Variants in MSRA observed in about 807,000 individuals in gnomAD.
MSRA encodes the protein methionine sulfoxide reductase A, also known as mitochondrial peptide methionine sulfoxide reductase.
MSRA carries 54 observed loss-of-function variants against 31.3 expected under a neutral mutation model. The observed-to-expected ratio is 1.73, with a 90% confidence interval of 1.39 to 2.17. The LOEUF is 2.17. Ranked by LOEUF, MSRA falls within the 30% of genes most tolerant of loss-of-function variation. The pLI is 0.00. For missense variants in MSRA, 507 were observed against 300.9 expected (o/e 1.69, Z -5.07); for synonymous variants, 169 against 116.5 (o/e 1.45, Z -2.90).
At chr8:10,308,748 T>C (rs1801276306) in intron 4 of MSRA, among the ~76,000 whole-genome samples, 3 of 152,226 alleles carry the variant, frequency 2.0e-5, no homozygotes, top group African/African-American at 7.2e-5. Flanking sequence ...ACTTGAGCTC[T>C]TTCTTGCCTC....
At chr8:10,166,601 A>G (rs1239462247) in intron 1 of MSRA, among the ~76,000 whole-genome samples, 1 of 152,130 alleles carries the variant, frequency 6.6e-6, no homozygotes, top group Admixed American at 6.5e-5. Context: ...GAATTATATA[A>G]CAAGCGACTT....
At chr8:10,119,832 T>G (rs1297735293) in intron 1 of MSRA, among the ~76,000 whole-genome samples, 3 of 152,078 alleles carry the variant, frequency 2.0e-5, no homozygotes, top group Admixed American at 2.0e-4. Flanking sequence ...GAAATGTACC[T>G]AAGAGGGATA....
At chr8:10,322,825 C>G (rs1414656297) in intron 5 of MSRA, among the ~76,000 whole-genome samples, 3 of 152,166 alleles carry the variant, frequency 2.0e-5, no homozygotes, top group African/African-American at 7.2e-5. Context: ...GGCACAGTGA[C>G]TCACGCCTCT....
intron 1 of MSRA, among the ~76,000 whole-genome samples, chr8:10,128,678 G>C (rs1801672545): frequency 6.6e-6 from 1 of 152,196 alleles, no homozygotes; most frequent in South Asian, 2.1e-4. Flanking sequence ...CCAGATGTAG[G>C]TGAGTCTCCA....
chr8:10,214,225 C>T (rs1251652365), intron 2 of MSRA, among the ~76,000 whole-genome samples: 2 of 152,080 alleles, frequency 1.3e-5, no homozygotes, highest in African/African-American at 2.4e-5. Context: ...TTTTGAACAG[C>T]TGTGTGAATG....
At chr8:10,354,744 G>GTATATATA (rs1804404997) in intron 5 of MSRA, among the ~76,000 whole-genome samples, 2 of 130,690 alleles carry the variant, frequency 1.5e-5, no homozygotes, top group African/African-American at 5.9e-5. Flanking sequence ...ATGTGTGTGT[G>GTATATATA]TGTGTGTATA....
intron 3 of MSRA, among the ~76,000 whole-genome samples, chr8:10,261,389 TA>T (rs35866533): frequency 0.027 from 3,889 of 143,000 alleles, 158 homozygotes; most frequent in African/African-American, 0.088. Context: ...ATCTGTTACT[TA>T]AAAAAAAAAA....
rs1351244697 is a variant in MSRA at position 10,146,724 on chromosome 8, T to C, written c.143-61109T>C. Among the ~76,000 whole-genome samples, 4 of 152,146 alleles carry C rather than the reference T, an allele frequency of 2.6e-5. No individual in the cohort carries two copies. The East Asian group carries it at 7.7e-4, about 29-fold the overall frequency. ...AAGGTGTTATTTTAAAAAAAAATAC[T>C]GCTGCATACTGATGAAATCACACTT... On this transcript the variant is annotated intron_variant, in intron 1 of 5. Transcript: ENST00000317173.
chr8:10,323,796 G>T (rs1802200915), intron 5 of MSRA, among the ~76,000 whole-genome samples: 1 of 141,768 alleles, frequency 7.1e-6, no homozygotes, highest in Admixed American at 7.3e-5. Flanking sequence ...CTGTCTGCAT[G>T]TCTGCATGTC....
intron 5 of MSRA, among the ~76,000 whole-genome samples, chr8:10,370,921 C>T (rs918266242): frequency 3.9e-5 from 6 of 152,176 alleles, no homozygotes; most frequent in Non-Finnish European, 7.3e-5. Flanking sequence ...TGTTCTGGGA[C>T]GTGCTGTCAC....
chr8:10,344,626 G>T lies in MSRA; in HGVS notation c.543+24637G>T, dbSNP rs945248634. ...AAAGCCAGCCATTTCCAATGGCCTTGACATAAGGATTATGTTGCATTAAGT... is the reference window on the plus strand; with the variant it reads ...AAAGCCAGCCATTTCCAATGGCCTTTACATAAGGATTATGTTGCATTAAGT... On this transcript the variant is annotated intron_variant, in intron 5 of 5. Transcript: ENST00000317173. Among the ~76,000 whole-genome samples, 62 of 141,962 alleles carry T rather than the reference G, an allele frequency of 4.4e-4. 1 individual carries two copies. Among genetic ancestry groups the T allele is most frequent in the Admixed American group, 8.4e-4 (12 of 14,250 alleles). The allele number at this position is 141,962 out of a possible 152,430, so 93.1% of individuals were successfully genotyped here.
chr8:10,187,725 T>C (rs1480604415), intron 1 of MSRA, among the ~76,000 whole-genome samples: 1 of 152,218 alleles, frequency 6.6e-6, no homozygotes, highest in African/African-American at 2.4e-5. Context: ...AAATTAATCC[T>C]AGAAGGTCCT....
intron 4 of MSRA, among the ~76,000 whole-genome samples, chr8:10,305,355 C>A (rs1801070890): frequency 6.6e-6 from 1 of 151,256 alleles, no homozygotes; most frequent in Admixed American, 6.6e-5. Context: ...TGAAGCAGCT[C>A]TCATAGTATC....
intron 1 of MSRA, among the ~76,000 whole-genome samples, chr8:10,122,154 T>C (rs1041203464): frequency 1.3e-5 from 2 of 152,084 alleles, no homozygotes; most frequent in African/African-American, 4.8e-5. Context: ...CTGGTGTTGT[T>C]GTAACCAAGC....
chr8:10,071,180 T>C (rs766340882), intron 1 of MSRA, among the ~76,000 whole-genome samples: 6 of 152,240 alleles, frequency 3.9e-5, no homozygotes, highest in Admixed American at 1.3e-4. Context: ...AGTGTCACTG[T>C]TTTATTTTAG....
At chr8:10,071,205 A>G (rs75732496) in intron 1 of MSRA, among the ~76,000 whole-genome samples, 5 of 152,328 alleles carry the variant, frequency 3.3e-5, no homozygotes, top group African/African-American at 4.8e-5. Flanking sequence ...TCTGATAGCT[A>G]TGTAGTGATA....
At chr8:10,136,191 GGCAGAGAGGAGCTCTGCGGT>G (rs780506297) in intron 1 of MSRA, among the ~76,000 whole-genome samples, 1 of 152,204 alleles carries the variant, frequency 6.6e-6, no homozygotes, top group Non-Finnish European at 1.5e-5. Context: ...AGGGACCCCG[GGCAGAGAGGAGCTCTGCGGT>G]GCAGAGAGGC....
At chr8:10,164,118 A>G (rs981840124) in intron 1 of MSRA, among the ~76,000 whole-genome samples, 8 of 152,158 alleles carry the variant, frequency 5.3e-5, no homozygotes, top group South Asian at 2.1e-4. Context: ...GCATACTTAC[A>G]CAGCTAGCGT....
intron 2 of MSRA, among the ~76,000 whole-genome samples, chr8:10,233,893 G>T (rs932147584): frequency 1.3e-5 from 2 of 152,034 alleles, no homozygotes; most frequent in African/African-American, 2.4e-5. Flanking sequence ...ATAAACCCCA[G>T]AATATTAAGA....
Sources: gnomAD v4.1 joint callset for allele counts (sites outside exome capture counted in the v4.1 genomes callset) on GRCh38, gnomAD v4.1.1 for gene constraint, MANE v1.5 for transcripts, NCBI Gene and HGNC (gene_info 2026-07-23, HGNC 2026-07-21) for gene names.